The following SLC3A2 variants were observed in gnomAD, a reference collection of about 807,000 sequenced individuals.
SLC3A2 encodes the protein solute carrier family 3 member 2, also known as amino acid transporter heavy chain SLC3A2.
In SLC3A2, 32 loss-of-function variants were observed where a neutral mutation model predicts 48.5. The observed-to-expected ratio is 0.66, with a 90% CI of 0.50 to 0.89. The LOEUF (loss-of-function observed/expected upper bound fraction) is 0.89. SLC3A2 is among the 40% of genes least tolerant of loss of function. The probability of loss-of-function intolerance (pLI) is 0.00; values close to 1 mark genes in which losing one functional copy is unlikely to be tolerated. For synonymous variants in SLC3A2, 277 were observed against 288.8 expected, an observed-to-expected ratio of 0.96 and a Z score of 0.41; for missense variants, 587 against 680.7, an observed-to-expected ratio of 0.86 and a Z score of 1.53.
chr11:62,867,800 T>C (rs1414109837), intron 1 of SLC3A2, among the ~76,000 whole-genome samples: 1 of 152,064 alleles, frequency 6.6e-6, no homozygotes, highest in Non-Finnish European at 1.5e-5. Context: ...TTTAACATTA[T>C]GTTTTTGACA....
rs754827290 is a variant in SLC3A2, at chr11:62,885,156, ACTC to A, written c.819-16_819-14del. ...CCATTCTTTCTTGTGCTAACCTTGA[ACTC>A]CTCCCTCCCCTCTGCAGGCTCTTGA... On this transcript the variant is annotated intron_variant, in intron 5 of 8. Transcript: ENST00000338663. 1.2e-6 allele frequency: 2 copies of A among 1,607,506 alleles called. No homozygotes were observed. Among genetic ancestry groups the A allele is most frequent in the African/African-American group, 1.4e-5 (1 of 73,252 alleles).
At chr11:62,857,881 C>T (rs2085356329) in intron 1 of SLC3A2, among the ~76,000 whole-genome samples, 1 of 151,776 alleles carries the variant, frequency 6.6e-6, no homozygotes, top group African/African-American at 2.4e-5. Context: ...AAAGGAACAA[C>T]TGGAGCACAA....
chr11:62,858,741 A>G (rs553473231), intron 1 of SLC3A2, among the ~76,000 whole-genome samples: 27 of 152,318 alleles, frequency 1.8e-4, no homozygotes, highest in African/African-American at 5.8e-4. Context: ...GGGCCACAAG[A>G]CAATAGTGGG....
At chr11:62,859,036 A>T (rs543339453) in intron 1 of SLC3A2, among the ~76,000 whole-genome samples, 2 of 152,212 alleles carry the variant, frequency 1.3e-5, no homozygotes, top group South Asian at 4.1e-4. Context: ...CCTTCCTCTT[A>T]TACTAATCCT....
chr11:62,881,732 C>A lies in SLC3A2; in HGVS notation c.425-161C>A. 3.4e-6 allele frequency: 3 copies of A among 873,920 alleles called. No individual in the cohort carries two copies. The highest frequency in any genetic ancestry group is 5.2e-6 in the Non-Finnish European group (3 of 580,960). The allele number at this position is 873,920 out of a possible 1,614,324, so 54.1% of individuals were successfully genotyped here. On this transcript the variant is annotated intron_variant, in intron 1 of 8. Coordinates refer to ENST00000338663, the MANE Select transcript of SLC3A2 (RefSeq NM_001013251.3). The surrounding 1 kb of genome is among the most constrained non-coding windows in gnomAD (Gnocchi z 4.0). ...CCGGTTTCTGAAGTAATGTGCAGGA[C>A]TCCTTACATCAGCTCCTCTGAGTCT...
chr11:62,856,216 T>C, exon 1 of SLC3A2: 1 of 1,453,996 alleles, frequency 6.9e-7, no homozygotes, highest in East Asian at 2.3e-5. Flanking sequence ...TCTAACCCTG[T>C]TCTGAGCTGC....
upstream of SLC3A2, chr11:62,876,877 C>T: frequency 9.6e-7 from 1 of 1,042,800 alleles, no homozygotes; most frequent in Non-Finnish European, 1.2e-6. Flanking sequence ...GCTGGGATTA[C>T]AGGTGAGCCA....
intron 1 of SLC3A2, among the ~76,000 whole-genome samples, chr11:62,864,145 C>T (rs1359643612): frequency 6.6e-6 from 1 of 152,110 alleles, no homozygotes; most frequent in Admixed American, 6.6e-5. Context: ...TCTGTCCCTC[C>T]CCAGGATGTG....
chr11:62,888,707 T>C lies in SLC3A2; in HGVS notation c.*14T>C, dbSNP rs751836727. 2.5e-6 allele frequency: 4 copies of C among 1,573,840 alleles called. No homozygotes were observed. Among genetic ancestry groups the C allele is most frequent in the Admixed American group, 3.5e-5 (2 of 57,438 alleles). On this transcript the variant is annotated 3_prime_UTR_variant, in exon 9 of 9. Transcript: ENST00000338663. ...TACGCGGCCTGACTTCAGCCTGACA[T>C]GGACCCACTACCCTTCTCCTTTCCT...
At chr11:62,885,631 C>G (rs542841149) in intron 7 of SLC3A2, 23 bp downstream of exon 7, 1 of 1,612,956 alleles carries the variant, frequency 6.2e-7, no homozygotes, top group Admixed American at 1.7e-5. Flanking sequence ...GTCTTTCTGT[C>G]ACAGGGAGGT....
chr11:62,874,067 ACTCTGTACATCTTGAGTGCAGG>A (rs1295177615), intron 1 of SLC3A2, among the ~76,000 whole-genome samples: 1 of 128,770 alleles, frequency 7.8e-6, no homozygotes, highest in African/African-American at 3.0e-5. Context: ...ACAGAGTTTA[ACTCTGTACATCTTGAGTGCAGG>A]CTGCGCTTAG....
In SLC3A2 at chr11:62,881,507, C is replaced by T; in HGVS notation, c.424+60C>T. ...GGTTGAATCTGGTGGCTTGCACCGA[C>T]CCCCTCCCCTGTCCCCAGACGGATC... On this transcript the variant is annotated intron_variant, in intron 1 of 8. Transcript: ENST00000338663. The surrounding 1 kb of genome is among the most constrained non-coding windows in gnomAD (Gnocchi z 4.0). The T allele has an allele frequency of 6.7e-7, 1 of 1,496,428 alleles. No individual in the cohort carries two copies. Among genetic ancestry groups the T allele is most frequent in the Non-Finnish European group, 8.9e-7 (1 of 1,126,418 alleles). 92.7% of individuals were successfully genotyped at this position (1,496,428 alleles called of 1,614,324 possible).
chr11:62,872,757 C>T (rs1166195289), intron 1 of SLC3A2, among the ~76,000 whole-genome samples: 2 of 152,138 alleles, frequency 1.3e-5, no homozygotes, highest in Admixed American at 1.3e-4. Context: ...CATGTGCCAC[C>T]ACACCTGGCT....
chr11:62,887,809 T>C (rs1029796277), intron 7 of SLC3A2: 2 of 210,442 alleles, frequency 9.5e-6, no homozygotes, highest in Non-Finnish European at 1.9e-5. Context: ...GGCTTTTTTT[T>C]TGAGACAGGG....
In SLC3A2 at chr11:62,856,460, G is replaced by A. The variant is rs1239811390; in HGVS notation, c.112+79G>A. ...CGGGAAAGTATGTCAGGACGTAAGT[G>A]CTTCACTGAAGACAGGATCTGATTT... is the stretch of plus-strand genomic sequence containing the variant. On this transcript the variant is annotated intron_variant, in intron 1 of 9. Transcript: ENST00000377889. 4.8e-6 allele frequency: 6 copies of A among 1,261,350 alleles called. No individual in the cohort carries two copies. In the East Asian group the frequency reaches 1.4e-4, roughly 30 times the overall value. 78.1% of individuals were successfully genotyped at this position (1,261,350 alleles called of 1,614,324 possible). A position where few individuals can be genotyped will look rare whatever the true frequency, so the allele number is the denominator to read the frequency against.
chr11:62,888,692 G>C lies in SLC3A2; in HGVS notation c.1589G>C (p.Ter530SerextTer36), dbSNP rs1466151185. ...GLLLRFPYAA[*>S] The stretch of plus-strand genomic sequence containing the variant: ...CTGCTCCGCTTCCCCTACGCGGCCT[G>C]ACTTCAGCCTGACATGGACCCACTA... Residue 530 changes from the stop codon to serine, a stop_lost, in exon 9 of 9, where the codon TGA becomes TCA. Coordinates refer to ENST00000338663, the MANE Select transcript of SLC3A2 (RefSeq NM_001013251.3). The C allele has an allele frequency of 6.3e-7, 1 of 1,587,360 alleles. No individual in the cohort carries two copies. The highest frequency in any genetic ancestry group is 8.5e-7 in the Non-Finnish European group (1 of 1,171,030).
At chr11:62,856,283 C>G in exon 1 of SLC3A2, 1 of 1,612,512 alleles carries the variant, frequency 6.2e-7, no homozygotes. Context: ...GAGCTACAGC[C>G]TCCTGAAGCC....
Position 62,888,807 on chromosome 11 carries a change from C to G in SLC3A2, c.*114C>G. ...CAAACTGTTGCAGATTATGAGTGAACCCCCAAATAGGGTGTTTTCTGCCTT... is the reference window on the plus strand; with the variant it reads ...CAAACTGTTGCAGATTATGAGTGAAGCCCCAAATAGGGTGTTTTCTGCCTT... On this transcript the variant is annotated 3_prime_UTR_variant, in exon 9 of 9. Coordinates refer to ENST00000338663, the MANE Select transcript of SLC3A2 (RefSeq NM_001013251.3). 9.6e-7 allele frequency: 1 copy of G among 1,036,516 alleles called. No homozygotes were observed. The highest frequency in any genetic ancestry group is 1.4e-6 in the Non-Finnish European group (1 of 725,532). The allele number at this position is 1,036,516 out of a possible 1,614,324, so 64.2% of individuals were successfully genotyped here.
At chr11:62,882,576 C>T (rs1479491968) in intron 2 of SLC3A2, 1 of 305,934 alleles carries the variant, frequency 3.3e-6, no homozygotes, top group Non-Finnish European at 6.4e-6. Flanking sequence ...CCTCCTCCCC[C>T]AGGGTTCAAG....
Sources: gnomAD v4.1 joint callset for allele counts (sites outside exome capture counted in the v4.1 genomes callset) on GRCh38, gnomAD v4.1.1 for gene constraint, Gnocchi (gnomAD v3.1) non-coding constraint, MANE v1.5 for transcripts, NCBI Gene and HGNC (gene_info 2026-07-23, HGNC 2026-07-21) for gene names.